The following CDH13 variants were observed in gnomAD, a reference collection of about 807,000 sequenced individuals.
The protein encoded by CDH13 is cadherin-13.
A neutral mutation model predicts 63.8 loss-of-function variants in CDH13; 24 were observed. That is an observed-to-expected ratio of 0.38 (90% confidence interval 0.27 to 0.53). The LOEUF is 0.53. Ranked by LOEUF, CDH13 falls within the 20% of genes least tolerant of loss-of-function variation. The pLI is 0.85. For missense variants in CDH13, 1,049 were observed against 903.1 expected (o/e 1.16, Z -2.07); for synonymous variants, 503 against 355.3 (o/e 1.42, Z -4.67).
At chr16:82,637,318 T>A (rs1908772638) in intron 1 of CDH13, among the ~76,000 whole-genome samples, 1 of 152,148 alleles carries the variant, frequency 6.6e-6, no homozygotes, top group South Asian at 2.1e-4. Flanking sequence ...TTTTTCTGCT[T>A]TCCCTTCTTT....
chr16:82,988,965 A>G (rs1911315722), intron 2 of CDH13, among the ~76,000 whole-genome samples: 1 of 152,172 alleles, frequency 6.6e-6, no homozygotes, highest in African/African-American at 2.4e-5. Context: ...TTATATCTCC[A>G]GTGCCAAAGA....
At chr16:83,093,431 G>T (rs1415674043) in intron 3 of CDH13, among the ~76,000 whole-genome samples, 1 of 144,966 alleles carries the variant, frequency 6.9e-6, no homozygotes, top group East Asian at 2.2e-4. Flanking sequence ...CGATTCTCCT[G>T]CCTCAGCCTA....
At chr16:82,802,058 G>A (rs1453318959) in intron 1 of CDH13, among the ~76,000 whole-genome samples, 1 of 152,122 alleles carries the variant, frequency 6.6e-6, no homozygotes, top group African/African-American at 2.4e-5. Flanking sequence ...CATATAGGCT[G>A]GCTCAGAGCT....
chr16:83,285,874 C>T (rs890141988), intron 5 of CDH13, among the ~76,000 whole-genome samples: 1 of 152,186 alleles, frequency 6.6e-6, no homozygotes, highest in African/African-American at 2.4e-5. Flanking sequence ...AAACTCTACT[C>T]ATTGTGGCCA....
chr16:83,395,615 G>T (rs558288566), intron 6 of CDH13, among the ~76,000 whole-genome samples: 1 of 152,166 alleles, frequency 6.6e-6, no homozygotes, highest in Non-Finnish European at 1.5e-5. Flanking sequence ...TTTTCCTTCA[G>T]CCTGGTCATT....
At chr16:83,308,683 G>A (rs2151883394) in intron 5 of CDH13, among the ~76,000 whole-genome samples, 1 of 152,318 alleles carries the variant, frequency 6.6e-6, no homozygotes, top group South Asian at 2.1e-4. Context: ...CTTTGCCTGG[G>A]AGAAAAAAGG....
Position 82,891,830 on chromosome 16 carries a change from A to G in CDH13, c.157+33357A>G, listed in dbSNP as rs2151223178. ...ACCAGGCCCTTATCATGGGCTAGGG[A>G]CAGTGTGGACATTCATATATGTGAA... is the stretch of plus-strand genomic sequence containing the variant. On this transcript the variant is annotated intron_variant, in intron 2 of 13. Transcript: ENST00000567109. Among the ~76,000 whole-genome samples the G allele has an allele frequency of 1.3e-5, 2 of 152,314 alleles. 1 individual carries two copies. Among genetic ancestry groups the G allele is most frequent in the Middle Eastern group, 6.8e-3 (2 of 294 alleles).
At chr16:82,886,732 G>C (rs959921890) in intron 2 of CDH13, among the ~76,000 whole-genome samples, 1 of 152,062 alleles carries the variant, frequency 6.6e-6, no homozygotes, top group Non-Finnish European at 1.5e-5. Context: ...ATTCCTTAGA[G>C]CTTACTAACT....
At chr16:82,702,801 C>T (rs999715817) in intron 1 of CDH13, among the ~76,000 whole-genome samples, 4 of 152,096 alleles carry the variant, frequency 2.6e-5, no homozygotes, top group Non-Finnish European at 2.9e-5. Context: ...ACCCTGTGGC[C>T]CCCAGGGTTC....
chr16:82,872,028 C>G (rs1358286510), intron 2 of CDH13, among the ~76,000 whole-genome samples: 1 of 152,170 alleles, frequency 6.6e-6, no homozygotes, highest in Non-Finnish European at 1.5e-5. Flanking sequence ...TTAGCCAGGC[C>G]TGGGGAAATG....
chr16:82,918,665 C>T lies in CDH13; in HGVS notation c.157+60192C>T, dbSNP rs1000763916. On this transcript the variant is annotated intron_variant, in intron 2 of 13. Transcript: ENST00000567109. ...CTGGGATTACAGGTACCCACTGCCA[C>T]GCCTGGCTAATTTTTGTATTTTTAG... 7.9e-5 allele frequency among the ~76,000 whole-genome samples: 12 copies of T among 152,052 alleles called. 1 individual carries two copies. The highest frequency in any genetic ancestry group is 3.9e-4 in the Admixed American group (6 of 15,268).
At chr16:83,383,594 T>TA (rs1316338471) in intron 6 of CDH13, among the ~76,000 whole-genome samples, 1 of 152,242 alleles carries the variant, frequency 6.6e-6, no homozygotes, top group Non-Finnish European at 1.5e-5. Flanking sequence ...ATTTATTTTT[T>TA]ATATCAGAAT....
At chr16:82,984,612 ATTTG>A (rs933359783) in intron 2 of CDH13, among the ~76,000 whole-genome samples, 18 of 152,264 alleles carry the variant, frequency 1.2e-4, no homozygotes, top group East Asian at 5.8e-4. Context: ...GTATTAGCTC[ATTTG>A]TTTGTAGCAA....
chr16:83,231,514 G>A (rs1244381180), intron 5 of CDH13, among the ~76,000 whole-genome samples: 1 of 152,152 alleles, frequency 6.6e-6, no homozygotes, highest in Non-Finnish European at 1.5e-5. Flanking sequence ...GTTCCAGCAG[G>A]AGCTGGTGAG....
intron 6 of CDH13, among the ~76,000 whole-genome samples, chr16:83,386,263 C>T (rs574528523): frequency 1.3e-5 from 2 of 152,310 alleles, no homozygotes; most frequent in African/African-American, 2.4e-5. Context: ...GATCTCTTGA[C>T]CGAATCCAGC....
intron 1 of CDH13, among the ~76,000 whole-genome samples, chr16:82,807,723 A>G (rs1046728988): frequency 3.3e-5 from 5 of 152,162 alleles, no homozygotes; most frequent in African/African-American, 4.8e-5. Flanking sequence ...AGGATGAAAG[A>G]AGCAGTTAAT....
chr16:83,046,525 C>A (rs538389737), intron 3 of CDH13, among the ~76,000 whole-genome samples: 6 of 152,278 alleles, frequency 3.9e-5, no homozygotes, highest in Non-Finnish European at 8.8e-5. Context: ...TACATTAAAA[C>A]ATAGGCAGGA....
chr16:83,610,501 A>G lies in CDH13; in HGVS notation c.1101+7907A>G, dbSNP rs546717418. On this transcript the variant is annotated intron_variant, in intron 8 of 13. Transcript: ENST00000567109. ...TCAAAAGCTTCCTAGGGTTCCTGCT[A>G]GTCCCACCACCTGCTCGGTAAAACA... is the stretch of plus-strand genomic sequence containing the variant. Among the ~76,000 whole-genome samples, 16 of 152,290 alleles carry G rather than the reference A, an allele frequency of 1.1e-4. 2 individuals are homozygous for G. In the South Asian group the frequency reaches 3.3e-3, roughly 32 times the overall value.
chr16:83,056,357 G>C (rs1268206681), intron 3 of CDH13, among the ~76,000 whole-genome samples: 2 of 151,540 alleles, frequency 1.3e-5, no homozygotes, highest in South Asian at 2.1e-4. Flanking sequence ...AGAAAGTCCA[G>C]AATAACACTT....
Sources: allele counts gnomAD v4.1 joint callset (sites outside exome capture counted in the v4.1 genomes callset), GRCh38; gene constraint gnomAD v4.1.1; transcripts MANE v1.5; gene names NCBI Gene and HGNC (gene_info 2026-07-23, HGNC 2026-07-21).